The following ENAM variants were observed in gnomAD, a reference collection of about 807,000 sequenced individuals.
ENAM encodes the protein amelogenesis imperfecta 2, hypocalcification (autosomal dominant).
Under a neutral mutation model 33.6 loss-of-function variants are expected in ENAM, and 21 were observed. The ratio of observed to expected loss-of-function variants is 0.63; its 90% CI spans 0.44 to 0.90. The LOEUF is 0.90. ENAM is among the 40% of genes least tolerant of loss of function. The pLI is 0.00. For synonymous variants in ENAM, 473 were observed against 468.4 expected (o/e 1.01, Z -0.13); for missense variants, 1,388 against 1,366.9 (o/e 1.02, Z -0.24).
chr4:70,634,510 C>G lies in ENAM; in HGVS notation c.413C>G (p.Pro138Arg), dbSNP rs1205137084. The G allele has an allele frequency of 6.2e-7, 1 of 1,614,118 alleles. No individual in the cohort carries two copies. The highest frequency in any genetic ancestry group is 1.7e-5 in the Admixed American group (1 of 60,016). ...TQSKKPPQKR[P>R]LKQPSHNQPQ... ...TCAAAAAAGCCACCACAAAAGCGGCCTTTGAAGCAGCCATCACATAATCAA... is the reference window on the plus strand; with the variant it reads ...TCAAAAAAGCCACCACAAAAGCGGCGTTTGAAGCAGCCATCACATAATCAA... The change falls in exon 6 of 9, where the codon CCT becomes CGT. Residue 138 changes from proline (P) to arginine (R), a missense_variant. Coordinates refer to ENST00000396073, the MANE Select transcript of ENAM (RefSeq NM_031889.3).
At position 70,637,479 on chromosome 4, in the gene ENAM, G is replaced by T. The variant is rs2609433; in HGVS notation, c.535-311G>T. ...GTGTGCATGGTGTGTGTTTGTTGGG[G>T]GTTGTGGAGGGTATGTTTTTGAGTG... On this transcript the variant is annotated intron_variant, in intron 7 of 8. Coordinates refer to ENST00000396073, the MANE Select transcript of ENAM (RefSeq NM_031889.3). Among the ~76,000 whole-genome samples the T allele has an allele frequency of 0.057, 8,735 of 152,080 alleles. 778 individuals carry two copies. Among genetic ancestry groups the T allele is most frequent in the African/African-American group, 0.19 (7,730 of 41,426 alleles).
At position 70,632,644 on chromosome 4, in the gene ENAM, G is replaced by A. The variant is rs1738353919; in HGVS notation, c.169-7G>A. On this transcript the variant is annotated splice_polypyrimidine_tract_variant and splice_region_variant and intron_variant, in intron 4 of 8. Transcript: ENST00000396073. Reference sequence around the variant, plus strand: ...TGTATCACATTAATGGATTCCTTTGGTTGCAGATGATGCGGTATAATCAAT... The same window carrying A: ...TGTATCACATTAATGGATTCCTTTGATTGCAGATGATGCGGTATAATCAAT... The A allele has an allele frequency of 2.5e-6, 4 of 1,588,912 alleles. No homozygotes were observed. The South Asian group carries it at 3.3e-5, about 13-fold the overall frequency.
chr4:70,631,611 G>C, intron 2 of ENAM, 59 bp from the exon 3 acceptor site: 2 of 1,231,436 alleles, frequency 1.6e-6, no homozygotes, highest in Non-Finnish European at 1.2e-6. Flanking sequence ...GATAAGTGCA[G>C]AGTGCCCTAA....
At chr4:70,632,157 A>G (rs1259134150) in intron 4 of ENAM, among the ~76,000 whole-genome samples, 1 of 152,128 alleles carries the variant, frequency 6.6e-6, no homozygotes, top group East Asian at 1.9e-4. Context: ...TTATCTGCTA[A>G]GTTTTTTAGC....
chr4:70,642,153 ACAG>A lies in ENAM; in HGVS notation c.729_731del (p.Ala244del). ...AGCAGAAAGTCCAGGCACAGAACCCACAGCTAATTCAACAGTCACTGAGACGAA... is the reference window on the plus strand; with the variant it reads ...AGCAGAAAGTCCAGGCACAGAACCCACTAATTCAACAGTCACTGAGACGAA... On this transcript the variant is annotated inframe_deletion, in exon 9 of 9. Coordinates refer to ENST00000396073, the MANE Select transcript of ENAM (RefSeq NM_031889.3). The A allele has an allele frequency of 6.2e-7, 1 of 1,614,210 alleles. No homozygotes were observed. Among genetic ancestry groups the A allele is most frequent in the East Asian group, 2.2e-5 (1 of 44,892 alleles).
intron 7 of ENAM, among the ~76,000 whole-genome samples, chr4:70,637,158 G>C (rs185458873): frequency 3.3e-5 from 5 of 152,172 alleles, no homozygotes; most frequent in Non-Finnish European, 7.4e-5. Flanking sequence ...ACAAGGTAAA[G>C]ATTTTAAAAA....
intron 2 of ENAM, among the ~76,000 whole-genome samples, chr4:70,631,464 T>C (rs1738317549): frequency 6.6e-6 from 1 of 152,064 alleles, no homozygotes; most frequent in South Asian, 2.1e-4. Context: ...TATATTTCCT[T>C]TTAATCTGAC....
Position 70,634,556 on chromosome 4 carries a change from T to C in ENAM, c.459T>C (p.Ala153=). ...SHNQPQPEEE[A]QPPQAFPPFG... is the part of the protein sequence containing the mutation. ...ATCAACCTCAGCCCGAAGAGGAAGC[T>C]CAACCCCCTCAGGTGAGACTTGCAC... Residue 153 remains alanine, a synonymous_variant, in exon 6 of 9, where the codon GCT becomes GCC. Transcript: ENST00000396073. 1 of 1,614,054 alleles carries C rather than the reference T, an allele frequency of 6.2e-7. No individual in the cohort carries two copies. The highest frequency in any genetic ancestry group is 1.1e-5 in the South Asian group (1 of 91,078).
chr4:70,637,843 G>C lies in ENAM; in HGVS notation c.588G>C (p.Gly196=), dbSNP rs762381494. 5.2e-5 allele frequency: 83 copies of C among 1,608,742 alleles called. No homozygotes were observed. The Middle Eastern group carries it at 8.2e-4, about 16-fold the overall frequency. ...GRPPISNEEG[G]NPYFGYFGYH... is the part of the protein sequence containing the mutation. ...CACCAATCAGCAATGAAGAAGGGGG[G>C]GTAAGTACAAGTAAAACTACATTCT... The change falls in exon 8 of 9, where the codon GGG becomes GGC. Residue 196 remains glycine, a splice_region_variant and synonymous_variant. Transcript: ENST00000396073.
chr4:70,634,610 C>A (rs771484720), intron 6 of ENAM, 42 bp downstream of exon 6: 4 of 1,604,402 alleles, frequency 2.5e-6, no homozygotes, highest in Admixed American at 3.3e-5. Context: ...TAAATGGCCT[C>A]GGAGAGATTT....
chr4:70,639,623 A>G (rs557137081), intron 8 of ENAM, among the ~76,000 whole-genome samples: 2 of 150,758 alleles, frequency 1.3e-5, no homozygotes, highest in Admixed American at 6.6e-5. Context: ...CTGAATTTAG[A>G]TAGGCACAAT....
Position 70,642,758 on chromosome 4 carries a change from A to G in ENAM, c.1332A>G (p.Lys444=), listed in dbSNP as rs750348196. The change falls in exon 9 of 9, where the codon AAA becomes AAG. Residue 444 remains lysine (K), a synonymous_variant. Coordinates refer to ENST00000396073, the MANE Select transcript of ENAM (RefSeq NM_031889.3). Reference sequence around the variant, plus strand: ...CAAAGGAGAAGCCCCTGGGTCCAAAAGAACAAATAATAGTTCCTACAAAGA... The same window carrying G: ...CAAAGGAGAAGCCCCTGGGTCCAAAGGAACAAATAATAGTTCCTACAAAGA... ...QNPKEKPLGP[K]EQIIVPTKNP... 3.1e-6 allele frequency: 5 copies of G among 1,610,474 alleles called. No homozygotes were observed. The highest frequency in any genetic ancestry group is 3.4e-6 in the Non-Finnish European group (4 of 1,178,964).
At position 70,643,627 on chromosome 4, in the gene ENAM, C is replaced by T. The variant is rs376924856; in HGVS notation, c.2201C>T (p.Ala734Val). The T allele has an allele frequency of 3.1e-6, 5 of 1,614,110 alleles. No individual in the cohort carries two copies. Among genetic ancestry groups the T allele is most frequent in the Non-Finnish European group, 4.2e-6 (5 of 1,180,012 alleles). The change falls in exon 9 of 9, where the codon GCT becomes GTT. Residue 734 changes from alanine (A) to valine (V), a missense_variant. Transcript: ENST00000396073. ...GAGAATTTTCCATCATATAATACAG[C>T]TTCTACTATGCCACCACCTATAGAG... ...PDENFPSYNT[A>V]STMPPPIESR...
At chr4:70,632,195 G>A (rs968423522) in intron 4 of ENAM, among the ~76,000 whole-genome samples, 5 of 152,028 alleles carry the variant, frequency 3.3e-5, no homozygotes, top group African/African-American at 1.2e-4. Context: ...TGTACCAAGG[G>A]TTATTAGAAG....
In ENAM at chr4:70,631,746, T is replaced by C. The variant is rs1254469491; in HGVS notation, c.123+8T>C. 7 of 1,612,072 alleles carry C rather than the reference T, an allele frequency of 4.3e-6. No individual in the cohort carries two copies. Among genetic ancestry groups the C allele is most frequent in the South Asian group, 1.1e-5 (1 of 91,044 alleles). The stretch of plus-strand genomic sequence containing the variant: ...AATTCTGTTGCTATGCCAGTGAGTA[T>C]TTTTTAAATGTTAGCTCTTCTCTTT... On this transcript the variant is annotated splice_region_variant and intron_variant, in intron 3 of 8. Coordinates refer to ENST00000396073, the MANE Select transcript of ENAM (RefSeq NM_031889.3).
chr4:70,644,048 C>A lies in ENAM; in HGVS notation c.2622C>A (p.Cys874Ter), dbSNP rs1283758881. 6.2e-7 allele frequency: 1 copy of A among 1,614,158 alleles called. No homozygotes were observed. The highest frequency in any genetic ancestry group is 1.1e-5 in the South Asian group (1 of 91,076). The change falls in exon 9 of 9, where the codon TGC (cysteine) becomes TGA (stop). Residue 874 changes from cysteine to a stop codon, truncating the protein, a stop_gained. Coordinates refer to ENST00000396073, the MANE Select transcript of ENAM (RefSeq NM_031889.3). LOFTEE classifies it low-confidence loss of function (END_TRUNC). ...TTCACCTAAGCCAGAGAGGCTCTTG[C>A]TGTGCTGGTAGCTCCACAGGGCCCA... ...HLFHLSQRGS[C>*]CAGSSTGPKD...
intron 5 of ENAM, among the ~76,000 whole-genome samples, 155 bp from the exon 6 acceptor site, chr4:70,634,153 G>C (rs1738390571): frequency 6.6e-6 from 1 of 152,156 alleles, no homozygotes; most frequent in Non-Finnish European, 1.5e-5. Context: ...AATGTGTAAG[G>C]AAATTCTAAC....
At chr4:70,635,994 T>C in intron 7 of ENAM, 100 bp downstream of exon 7, 2 of 630,580 alleles carry the variant, frequency 3.2e-6, no homozygotes, top group Non-Finnish European at 5.6e-6. Context: ...GAATACCATA[T>C]ACCAATCAGT....
At chr4:70,641,379 T>A (rs1438636866) in intron 8 of ENAM, among the ~76,000 whole-genome samples, 2 of 150,680 alleles carry the variant, frequency 1.3e-5, no homozygotes, top group African/African-American at 2.4e-5. Flanking sequence ...TATTTTTTTT[T>A]ATTTTATTTA....
Sources: allele counts gnomAD v4.1 joint callset (sites outside exome capture counted in the v4.1 genomes callset), GRCh38; gene constraint gnomAD v4.1.1; transcripts MANE v1.5; gene names NCBI Gene and HGNC (gene_info 2026-07-23, HGNC 2026-07-21).